ADAMTS19: variants seen among roughly 807,000 people sequenced by gnomAD.
The protein encoded by ADAMTS19 is A disintegrin and metalloproteinase with thrombospondin motifs 19.
Under a neutral mutation model 153.3 loss-of-function variants are expected in ADAMTS19, and 93 were observed. That is an observed-to-expected ratio of 0.61 (90% CI 0.51 to 0.72). ADAMTS19 has a LOEUF of 0.72. ADAMTS19 is among the 30% of genes least tolerant of loss of function. The probability of loss-of-function intolerance (pLI) is 0.00; values close to 1 mark genes in which losing one functional copy is unlikely to be tolerated. For missense variants in ADAMTS19, 1,482 were observed against 1,552.1 expected (o/e 0.95, Z 0.76); for synonymous variants, 600 against 556.6 (o/e 1.08, Z -1.10).
At chr5:129,700,449 C>T (rs935778878) in intron 19 of ADAMTS19, among the ~76,000 whole-genome samples, 1 of 152,094 alleles carries the variant, frequency 6.6e-6, no homozygotes, top group Non-Finnish European at 1.5e-5. Context: ...AGTGTAATAC[C>T]TTGGTGATTG....
At chr5:129,693,154 A>T (rs1035797609) in intron 18 of ADAMTS19, among the ~76,000 whole-genome samples, 2 of 151,650 alleles carry the variant, frequency 1.3e-5, no homozygotes, top group Admixed American at 1.3e-4. Context: ...AGAGCTATTG[A>T]GAGGAAATCA....
chr5:129,594,670 T>A lies in ADAMTS19; in HGVS notation c.1373-1889T>A, dbSNP rs118050348. Among the ~76,000 whole-genome samples, 89 of 152,260 alleles carry A rather than the reference T, an allele frequency of 5.8e-4. 1 individual carries two copies. The East Asian group carries it at 0.016, about 27-fold the overall frequency. On this transcript the variant is annotated intron_variant, in intron 7 of 22. Coordinates refer to ENST00000274487, the MANE Select transcript of ADAMTS19 (RefSeq NM_133638.6). ...CGTTTTCCACTCTTTGTTGTATTCA[T>A]GTGATTTAGCTCTCTTAAAATTCAT...
chr5:129,522,335 A>G (rs1405451650), intron 3 of ADAMTS19, among the ~76,000 whole-genome samples: 1 of 108,390 alleles, frequency 9.2e-6, no homozygotes, highest in Non-Finnish European at 1.9e-5. Context: ...ACACACACAT[A>G]TATATATATA....
chr5:129,688,872 G>A (rs555051598), intron 18 of ADAMTS19, among the ~76,000 whole-genome samples: 1 of 152,254 alleles, frequency 6.6e-6, no homozygotes, highest in African/African-American at 2.4e-5. Context: ...TAAAATATTT[G>A]GAGGAATGGT....
At chr5:129,560,434 T>C (rs1027821485) in intron 7 of ADAMTS19, among the ~76,000 whole-genome samples, 2 of 152,160 alleles carry the variant, frequency 1.3e-5, no homozygotes, top group African/African-American at 4.8e-5. Flanking sequence ...TGAACAGGCA[T>C]TATCTTTGTC....
chr5:129,681,762 G>T (rs140951547), intron 17 of ADAMTS19, among the ~76,000 whole-genome samples: 1 of 152,024 alleles, frequency 6.6e-6, no homozygotes, highest in Non-Finnish European at 1.5e-5. Flanking sequence ...TAATCATTTT[G>T]TGCATCACCT....
intron 8 of ADAMTS19, among the ~76,000 whole-genome samples, chr5:129,611,210 T>G (rs1025220711): frequency 1.3e-5 from 2 of 152,178 alleles, no homozygotes; most frequent in African/African-American, 4.8e-5. Context: ...ATGAGTAGAT[T>G]GCAAAAATTT....
chr5:129,522,299 G>GTATATA (rs1182437821), intron 3 of ADAMTS19, among the ~76,000 whole-genome samples: 234 of 97,468 alleles, frequency 2.4e-3, no homozygotes, highest in African/African-American at 9.0e-3. Flanking sequence ...GTGTGTGTGT[G>GTATATA]TATATATATA....
chr5:129,622,310 C>A lies in ADAMTS19; in HGVS notation c.1732C>A (p.Leu578Ile). The change falls in exon 10 of 23, where the codon CTT becomes ATT. Residue 578 changes from leucine to isoleucine, a missense_variant. Leu to Ile is a conservative substitution (Grantham distance 5, BLOSUM62 2). Coordinates refer to ENST00000274487, the MANE Select transcript of ADAMTS19 (RefSeq NM_133638.6). The stretch of plus-strand genomic sequence containing the variant: ...CACTGCTGATGAACAATGCCAGATC[C>A]TTTTTGGGCCATTGGCTTCTTTTTG... ...TYTADEQCQI[L>I]FGPLASFCQE... 1 of 1,614,030 alleles carries A rather than the reference C, an allele frequency of 6.2e-7. No homozygotes were observed. The highest frequency in any genetic ancestry group is 8.5e-7 in the Non-Finnish European group (1 of 1,179,982).
At chr5:129,616,318 GTTTC>G (rs1407723274) in intron 8 of ADAMTS19, among the ~76,000 whole-genome samples, 11 of 151,946 alleles carry the variant, frequency 7.2e-5, no homozygotes, top group Admixed American at 2.0e-4. Context: ...GTAATAGTTT[GTTTC>G]TTTCTTTTAT....
At chr5:129,498,946 G>A (rs73787527) in intron 2 of ADAMTS19, among the ~76,000 whole-genome samples, 3,014 of 151,900 alleles carry the variant, frequency 0.02, 88 homozygotes, top group African/African-American at 0.068. Context: ...GAAGACAGGG[G>A]TCATTCTGTT....
chr5:129,614,551 T>G (rs536866356), intron 8 of ADAMTS19, among the ~76,000 whole-genome samples: 77 of 152,064 alleles, frequency 5.1e-4, no homozygotes, highest in Non-Finnish European at 8.8e-4. Context: ...TAATAAGAGA[T>G]ATTTATGACA....
At chr5:129,625,141 T>C (rs1169604784) in intron 10 of ADAMTS19, among the ~76,000 whole-genome samples, 1 of 152,196 alleles carries the variant, frequency 6.6e-6, no homozygotes, top group Non-Finnish European at 1.5e-5. Context: ...TCCAGCTTCA[T>C]CCATGTAGCT....
intron 6 of ADAMTS19, among the ~76,000 whole-genome samples, chr5:129,536,742 A>G (rs190692055): frequency 0.03 from 4,523 of 152,218 alleles, 87 homozygotes; most frequent in South Asian, 0.062. Flanking sequence ...TAAAAAATGA[A>G]GAGTTCATGT....
chr5:129,647,683 C>G (rs30679), intron 11 of ADAMTS19, 82 bp from the exon 12 acceptor site: 18,432 of 1,497,824 alleles, frequency 0.012, 147 homozygotes, highest in Non-Finnish European at 0.014. Flanking sequence ...GATTTAATTG[C>G]AATTCCAGTG....
intron 8 of ADAMTS19, among the ~76,000 whole-genome samples, chr5:129,610,921 T>C (rs888227152): frequency 6.6e-6 from 1 of 152,174 alleles, no homozygotes; most frequent in African/African-American, 2.4e-5. Flanking sequence ...GTAAAAGTGT[T>C]CCTATTTCTC....
At chr5:129,661,667 A>G (rs1439409208) in intron 15 of ADAMTS19, among the ~76,000 whole-genome samples, 1 of 152,182 alleles carries the variant, frequency 6.6e-6, no homozygotes, top group East Asian at 1.9e-4. Flanking sequence ...ATACTTTATC[A>G]TGTCTTCCAT....
At chr5:129,606,071 T>C (rs1561597872) in intron 8 of ADAMTS19, among the ~76,000 whole-genome samples, 1 of 152,158 alleles carries the variant, frequency 6.6e-6, no homozygotes. Context: ...TTCAGGAGTT[T>C]CTTTGGAACT....
rs761800632 is a variant in ADAMTS19 at position 129,461,636 on chromosome 5, C to CCGGCCG, written c.627_628insGGCCGC (p.Pro209_Thr210insGlyArg). The CCGGCCG allele has an allele frequency of 1.0e-4, 166 of 1,594,376 alleles. No individual in the cohort carries two copies. The East Asian group carries it at 1.4e-3, about 13-fold the overall frequency. On this transcript the variant is annotated inframe_insertion, in exon 2 of 23. Transcript: ENST00000274487. The surrounding 1 kb of genome is among the most constrained non-coding windows in gnomAD (Gnocchi z 4.6). ...CAGCGGCCAAATCCCGGCCCCGGCC[C>CCGGCCG]CACGGGGGCAGCATCCGCCCCGCAA...
Sources: gnomAD v4.1 joint callset for allele counts (sites outside exome capture counted in the v4.1 genomes callset) on GRCh38, gnomAD v4.1.1 for gene constraint, Gnocchi (gnomAD v3.1) non-coding constraint, MANE v1.5 for transcripts, NCBI Gene and HGNC (gene_info 2026-07-23, HGNC 2026-07-21) for gene names.